PKD1L3: variants seen among roughly 807,000 people sequenced by gnomAD.
The protein encoded by PKD1L3 is polycystin 1 like 3, transient receptor potential channel interacting, also known as polycystin-1-like protein 3.
Under a neutral mutation model 184.1 loss-of-function variants are expected in PKD1L3, and 239 were observed. The ratio of observed to expected loss-of-function variants is 1.30; its 90% confidence interval spans 1.17 to 1.45. PKD1L3 has a LOEUF of 1.45. Among genes scored for constraint, PKD1L3 ranks in the 40% most tolerant of loss-of-function variants. PKD1L3 has a pLI of 0.00. For missense variants in PKD1L3, 2,660 were observed against 2,067.2 expected (o/e 1.29, Z -5.56); for synonymous variants, 996 against 778.8 (o/e 1.28, Z -4.64).
intron 8 of PKD1L3, 44 bp downstream of exon 8, chr16:71,979,963 T>C: frequency 3.2e-6 from 5 of 1,549,618 alleles, no homozygotes; most frequent in Non-Finnish European, 4.4e-6. Context: ...CCTCTGAAAG[T>C]GAAAAACACA....
intron 1 of PKD1L3, among the ~76,000 whole-genome samples, chr16:71,999,164 G>A (rs1416725688): frequency 2.6e-5 from 4 of 151,820 alleles, no homozygotes; most frequent in African/African-American, 9.7e-5. Flanking sequence ...CCAGCTACTC[G>A]GGAGGTTGAG....
intron 15 of PKD1L3, among the ~76,000 whole-genome samples, chr16:71,963,690 G>A (rs917414644): frequency 6.6e-6 from 1 of 152,176 alleles, no homozygotes; most frequent in Non-Finnish European, 1.5e-5. Context: ...GGCTGAGGTG[G>A]AAGGATTGTT....
In PKD1L3 at chr16:71,973,396, C is replaced by T. The variant is rs555258299; in HGVS notation, c.1881G>A (p.Ser627=). Residue 627 remains serine, a synonymous_variant, in exon 12 of 30, where the codon TCG becomes TCA. Coordinates refer to ENST00000620267, the MANE Select transcript of PKD1L3 (RefSeq NM_181536.2). ...EGAQQTPSLV[S]VITAVTQCYY... is the part of the protein sequence containing the mutation. The stretch of plus-strand genomic sequence containing the variant: ...AACACTGAGTGACGGCGGTGATGAC[C>T]GAGACCAAGCTGGGTGTCTGCTGAG... The T allele has an allele frequency of 4.1e-5, 64 of 1,551,646 alleles. 1 individual carries two copies. The Admixed American group carries it at 5.3e-4, about 13-fold the overall frequency.
intron 16 of PKD1L3, among the ~76,000 whole-genome samples, chr16:71,961,312 G>C (rs998599216): frequency 1.3e-5 from 2 of 152,024 alleles, no homozygotes; most frequent in East Asian, 1.9e-4. Flanking sequence ...TGGTAGAGAA[G>C]GGGTTTTACC....
At chr16:71,975,825 T>A (rs896263332) in intron 11 of PKD1L3, among the ~76,000 whole-genome samples, 6 of 152,346 alleles carry the variant, frequency 3.9e-5, no homozygotes, top group Non-Finnish European at 7.3e-5. Flanking sequence ...AGAAATGTGC[T>A]TGTAAACCTG....
chr16:71,978,251 C>T lies in PKD1L3; in HGVS notation c.1527+4G>A, dbSNP rs1313028254. ...TATTTTATTCCCTAAGAATCAGTTC[C>T]TACCTCAATGTCCTCCATTAAATCA... On this transcript the variant is annotated splice_donor_region_variant and intron_variant, in intron 10 of 29. Transcript: ENST00000620267. The T allele has an allele frequency of 6.5e-7, 1 of 1,548,248 alleles. No individual in the cohort carries two copies.
chr16:71,978,631 C>A (rs1180782547), intron 9 of PKD1L3, among the ~76,000 whole-genome samples: 1 of 151,248 alleles, frequency 6.6e-6, no homozygotes, highest in Non-Finnish European at 1.5e-5. Flanking sequence ...TCTCCACCTC[C>A]CAGGTTCAAG....
At chr16:71,943,694 A>G (rs1162304912) in intron 23 of PKD1L3, among the ~76,000 whole-genome samples, 2 of 152,230 alleles carry the variant, frequency 1.3e-5, no homozygotes, top group South Asian at 2.1e-4. Context: ...AGGGAATCCA[A>G]TAATGAACTA....
intron 2 of PKD1L3, among the ~76,000 whole-genome samples, chr16:71,995,580 A>G (rs977399311): frequency 6.6e-6 from 1 of 152,196 alleles, no homozygotes; most frequent in East Asian, 1.9e-4. Context: ...CATCATAGAG[A>G]TAACCCCACT....
intron 2 of PKD1L3, among the ~76,000 whole-genome samples, chr16:71,997,190 G>T (rs1439074993): frequency 6.6e-6 from 1 of 152,030 alleles, no homozygotes; most frequent in Non-Finnish European, 1.5e-5. Flanking sequence ...GAATAAAGCT[G>T]CTATAAGCAT....
intron 19 of PKD1L3, among the ~76,000 whole-genome samples, chr16:71,951,307 C>T (rs909732147): frequency 2.0e-5 from 3 of 151,514 alleles, no homozygotes; most frequent in African/African-American, 7.3e-5. Context: ...CTCAAAGTGC[C>T]GGGATTACAG....
rs766187230 is a variant in PKD1L3, at chr16:71,978,397, G to A, written c.1399-14C>T. ...TAGTCCTGTTATCTAAAGACAAAGA[G>A]AAGCCCAGTTTTATCCATTGCTGAA... On this transcript the variant is annotated splice_polypyrimidine_tract_variant and intron_variant, in intron 9 of 29. Coordinates refer to ENST00000620267, the MANE Select transcript of PKD1L3 (RefSeq NM_181536.2). The A allele has an allele frequency of 1.4e-4, 213 of 1,543,820 alleles. 1 individual carries two copies. Among genetic ancestry groups the A allele is most frequent in the Non-Finnish European group, 1.7e-4 (199 of 1,142,266 alleles).
chr16:71,992,636 T>C (rs977810835), intron 3 of PKD1L3, among the ~76,000 whole-genome samples: 2 of 152,260 alleles, frequency 1.3e-5, no homozygotes, highest in Non-Finnish European at 2.9e-5. Flanking sequence ...ATTTTACATT[T>C]GTTCTTTAAA....
intron 13 of PKD1L3, 70 bp downstream of exon 13, chr16:71,969,805 G>T: frequency 7.3e-7 from 1 of 1,375,322 alleles, no homozygotes. Flanking sequence ...TGACGAAGGT[G>T]TTTTTTCCTT....
intron 28 of PKD1L3, among the ~76,000 whole-genome samples, chr16:71,931,752 A>G (rs1182941382): frequency 1.3e-5 from 2 of 152,116 alleles, no homozygotes; most frequent in Non-Finnish European, 2.9e-5. Context: ...GGCGTGAGCT[A>G]CTGTGCCCGG....
chr16:71,999,912 G>C lies in PKD1L3; in HGVS notation c.67C>G (p.Leu23Val). The C allele has an allele frequency of 6.4e-7, 1 of 1,551,430 alleles. No individual in the cohort carries two copies. Among genetic ancestry groups the C allele is most frequent in the Admixed American group, 2.0e-5 (1 of 50,970 alleles). Residue 23 changes from leucine (L) to valine (V), a missense_variant, in exon 1 of 30, where the codon CTA (leucine) becomes GTA (valine). Leu to Val is a conservative substitution (Grantham distance 32). Coordinates refer to ENST00000620267, the MANE Select transcript of PKD1L3 (RefSeq NM_181536.2). ...TGCCCATGTGGTGCTGGGCTGTTTA[G>C]CTCACTTCCTAGAATAATACTTGTT... ...IRTSIILGSE[L>V]NSPAPHGQNN...
intron 2 of PKD1L3, among the ~76,000 whole-genome samples, chr16:71,994,158 A>T (rs1030074131): frequency 1.3e-5 from 2 of 152,166 alleles, no homozygotes; most frequent in African/African-American, 4.8e-5. Context: ...AAAATCATAT[A>T]ACCATGATGA....
intron 9 of PKD1L3, 77 bp downstream of exon 9, chr16:71,979,709 T>C: frequency 1.4e-6 from 2 of 1,428,686 alleles, no homozygotes; most frequent in South Asian, 3.1e-5. Flanking sequence ...CATTTCATGA[T>C]ACATTACTTT....
chr16:71,972,462 T>C (rs77149484), intron 12 of PKD1L3, among the ~76,000 whole-genome samples: 7,471 of 152,000 alleles, frequency 0.049, 602 homozygotes, highest in African/African-American at 0.17. Flanking sequence ...GGAGGGAGGA[T>C]TGCTTGAGCT....
Sources: gnomAD v4.1 joint callset for allele counts (sites outside exome capture counted in the v4.1 genomes callset) on GRCh38, gnomAD v4.1.1 for gene constraint, MANE v1.5 for transcripts, NCBI Gene and HGNC (gene_info 2026-07-23, HGNC 2026-07-21) for gene names.